The following PCDHGA2 variants were observed in gnomAD, a reference collection of about 807,000 sequenced individuals.
PCDHGA2 encodes protocadherin gamma subfamily A, 2.
A neutral mutation model predicts 59.2 loss-of-function variants in PCDHGA2; 40 were observed. The observed-to-expected ratio is 0.68, with a 90% confidence interval of 0.52 to 0.88. The LOEUF (loss-of-function observed/expected upper bound fraction) is 0.88, where lower values mean the gene tolerates loss of function less well. PCDHGA2 is among the 40% of genes least tolerant of loss of function. The pLI, the probability that PCDHGA2 is intolerant of heterozygous loss-of-function variation, is 0.00. For synonymous variants in PCDHGA2, 560 were observed against 526.0 expected (o/e 1.06, Z -0.89); for missense variants, 1,226 against 1,204.0 (o/e 1.02, Z -0.27).
rs913364016 is a variant in PCDHGA2, at chr5:141,341,282, C to T, written c.2311C>T (p.Pro771Ser). Residue 771 changes from proline (P) to serine (S), a missense_variant, in exon 1 of 4, where the codon CCC becomes TCC. Transcript: ENST00000394576. ...CTCGCGGAAGAGCCACCTGATTTTC[C>T]CCCAGCCCAACTATGCGGACACGCT... ...ADSRKSHLIFPQPNYADTLIS... is the reference protein window; with the variant it reads ...ADSRKSHLIFSQPNYADTLIS... 12 of 1,614,106 alleles carry T rather than the reference C, an allele frequency of 7.4e-6. No homozygotes were observed. The highest frequency in any genetic ancestry group is 9.3e-6 in the Non-Finnish European group (11 of 1,180,042).
At position 141,477,118 on chromosome 5, in the gene PCDHGA2, A is replaced by T. The variant is rs2099405787; in HGVS notation, c.2425-17689A>T. The T allele has an allele frequency of 6.2e-7, 1 of 1,614,228 alleles. No homozygotes were observed. Among genetic ancestry groups the T allele is most frequent in the Non-Finnish European group, 8.5e-7 (1 of 1,180,034 alleles). On this transcript the variant is annotated intron_variant, in intron 1 of 3. Coordinates refer to ENST00000394576, the MANE Select transcript of PCDHGA2 (RefSeq NM_018915.4). This position sits in a 1 kb window ranked among gnomAD's most constrained non-coding sequence, Gnocchi z 4.9. ...ACAAGGGCGCCAATCCCGAAGGAGC[A>T]CATTGCAAAGTGTTGGTGGAGGTTG...
At chr5:141,375,379 G>A in intron 1 of PCDHGA2, 1 of 1,613,912 alleles carries the variant, frequency 6.2e-7, no homozygotes, top group Non-Finnish European at 8.5e-7. Context: ...CACCACCTCT[G>A]TCTACAGAAA....
chr5:141,341,390 T>C lies in PCDHGA2; in HGVS notation c.2419T>C (p.Ser807Pro). The change falls in exon 1 of 4, where the codon TCT becomes CCT. Residue 807 changes from serine to proline, a missense_variant. Ser to Pro is a moderately conservative substitution (Grantham distance 74). Coordinates refer to ENST00000394576, the MANE Select transcript of PCDHGA2 (RefSeq NM_018915.4). ...CGAAGAAGAAAGAGAAGAAACGTTT[T>C]CTCAGGTAATCTATCTTTTCACAAC... ...LLEEEREETFSQQAPPNTDWR... is the reference protein window; with the variant it reads ...LLEEEREETFPQQAPPNTDWR... 1 of 1,614,212 alleles carries C rather than the reference T, an allele frequency of 6.2e-7. No homozygotes were observed. Among genetic ancestry groups the C allele is most frequent in the Non-Finnish European group, 8.5e-7 (1 of 1,180,048 alleles).
chr5:141,402,593 G>T (rs4151700), intron 1 of PCDHGA2, among the ~76,000 whole-genome samples: 8,085 of 152,244 alleles, frequency 0.053, 229 homozygotes, highest in South Asian at 0.08. Flanking sequence ...AAAATAGATT[G>T]CTTTTGAAAT....
chr5:141,403,370 G>T (rs752870915), intron 1 of PCDHGA2: 25 of 1,614,064 alleles, frequency 1.5e-5, no homozygotes, highest in Non-Finnish European at 1.9e-5. Flanking sequence ...AAGTCTGGAA[G>T]TAAAAATTAA....
intron 1 of PCDHGA2, among the ~76,000 whole-genome samples, chr5:141,464,139 C>T (rs1200161549): frequency 6.6e-6 from 1 of 151,928 alleles, no homozygotes; most frequent in Admixed American, 6.6e-5. Flanking sequence ...GTGGTGGGCG[C>T]CTGTAGTCCC....
At chr5:141,390,867 CGT>C (rs61319619) in intron 1 of PCDHGA2, 8,912 of 150,888 alleles carry the variant, frequency 0.059, 387 homozygotes, top group African/African-American at 0.12. Context: ...GCTGTGTGTG[CGT>C]GTGTGTGTGT....
intron 1 of PCDHGA2, chr5:141,418,232 G>A (rs1034684988): frequency 6.2e-7 from 1 of 1,614,066 alleles, no homozygotes; most frequent in Non-Finnish European, 8.5e-7. Flanking sequence ...GGTGATTGAG[G>A]ATGTTAATGA....
intron 1 of PCDHGA2, chr5:141,360,281 A>G (rs1285317492): frequency 6.2e-7 from 1 of 1,613,728 alleles, no homozygotes; most frequent in Non-Finnish European, 8.5e-7. Context: ...GTCGTAGGAA[A>G]CCTCGCCAAG....
rs142590218 is a variant in PCDHGA2, at chr5:141,489,982, C to T, written c.2425-4825C>T. On this transcript the variant is annotated intron_variant, in intron 1 of 3. Coordinates refer to ENST00000394576, the MANE Select transcript of PCDHGA2 (RefSeq NM_018915.4). This position sits in a 1 kb window ranked among gnomAD's most constrained non-coding sequence, Gnocchi z 4.5. ...TCCAACCTTCCAATCCTCAGTTCTA[C>T]GTGTGGGAATCCCAGAGAATGCACC... The T allele has an allele frequency of 2.9e-5, 47 of 1,614,010 alleles. No individual in the cohort carries two copies. The highest frequency in any genetic ancestry group is 3.7e-5 in the Non-Finnish European group (44 of 1,179,964).
rs546241811 is a variant in PCDHGA2, at chr5:141,352,321, C to T, written c.2424+10926C>T. The stretch of plus-strand genomic sequence containing the variant: ...ACCCCCAGACGGAACTGCAGTTTTA[C>T]CTGGTTGTGGCCTTGGCCTTGATCT... On this transcript the variant is annotated intron_variant, in intron 1 of 3. Transcript: ENST00000394576. 212 of 1,614,078 alleles carry T rather than the reference C, an allele frequency of 1.3e-4. 3 individuals carry two copies. In the Middle Eastern group the frequency reaches 2.6e-3, roughly 20 times the overall value.
Position 141,476,854 on chromosome 5 carries a change from G to A in PCDHGA2, c.2425-17953G>A. The A allele has an allele frequency of 6.2e-7, 1 of 1,613,860 alleles. No individual in the cohort carries two copies. The highest frequency in any genetic ancestry group is 1.1e-5 in the South Asian group (1 of 91,088). ...ATGACAATGCGCCTGTCTTCAACCA[G>A]TCCTTGTACCGGGCGCGCGTCCTGG... On this transcript the variant is annotated intron_variant, in intron 1 of 3. Transcript: ENST00000394576. This position sits in a 1 kb window ranked among gnomAD's most constrained non-coding sequence, Gnocchi z 7.6.
At chr5:141,460,536 G>T (rs911670681) in intron 1 of PCDHGA2, among the ~76,000 whole-genome samples, 1 of 152,092 alleles carries the variant, frequency 6.6e-6, no homozygotes, top group African/African-American at 2.4e-5. Context: ...AATAATCTTA[G>T]CACCTTAATC....
At chr5:141,448,143 A>C (rs2098568288) in intron 1 of PCDHGA2, among the ~76,000 whole-genome samples, 1 of 152,012 alleles carries the variant, frequency 6.6e-6, no homozygotes, top group Admixed American at 6.6e-5. Context: ...ACTATACCTC[A>C]GACTCACCCC....
At chr5:141,478,425 A>G (rs1454100826) in intron 1 of PCDHGA2, 1 of 1,613,542 alleles carries the variant, frequency 6.2e-7, no homozygotes, top group African/African-American at 1.3e-5. Context: ...CGCCGCAGCG[A>G]CCCGCTGCTG....
intron 1 of PCDHGA2, chr5:141,408,368 C>T: frequency 3.1e-6 from 5 of 1,613,992 alleles, no homozygotes; most frequent in Non-Finnish European, 4.2e-6. Context: ...GGATCTAGGG[C>T]TCAGTGTCCT....
rs754953894 is a variant in PCDHGA2 at position 141,409,856 on chromosome 5, G to T, written c.2424+68461G>T. 4.0e-5 allele frequency: 64 copies of T among 1,612,232 alleles called. No individual in the cohort carries two copies. Among genetic ancestry groups the T allele is most frequent in the Non-Finnish European group, 5.3e-5 (62 of 1,179,390 alleles). On this transcript the variant is annotated intron_variant, in intron 1 of 3. Coordinates refer to ENST00000394576, the MANE Select transcript of PCDHGA2 (RefSeq NM_018915.4). ...CGCCAACGTGAGCCTGCGCGTGTTG[G>T]TGGGAGACCGCAATGACAACGCACC... is the stretch of plus-strand genomic sequence containing the variant.
chr5:141,360,609 G>C, intron 1 of PCDHGA2: 1 of 1,613,936 alleles, frequency 6.2e-7, no homozygotes, highest in Non-Finnish European at 8.5e-7. Flanking sequence ...ACCCAGCCCT[G>C]GATTCAGATG....
At chr5:141,372,833 T>C (rs1317318812) in intron 1 of PCDHGA2, 6 of 1,538,022 alleles carry the variant, frequency 3.9e-6, no homozygotes, top group Non-Finnish European at 5.3e-6. Flanking sequence ...AACCTTTCCT[T>C]CCATAAATAT....
Sources: gnomAD v4.1 joint callset for allele counts (sites outside exome capture counted in the v4.1 genomes callset) on GRCh38, gnomAD v4.1.1 for gene constraint, Gnocchi (gnomAD v3.1) non-coding constraint, MANE v1.5 for transcripts, NCBI Gene and HGNC (gene_info 2026-07-23, HGNC 2026-07-21) for gene names.